The following NELL2 variants were observed in gnomAD, a reference collection of about 807,000 sequenced individuals.
NELL2 encodes neural EGFL like 2, also known as protein kinase C-binding protein NELL2.
NELL2 carries 41 observed loss-of-function variants against 109.6 expected under a neutral mutation model. The ratio of observed to expected loss-of-function variants is 0.37; its 90% CI spans 0.29 to 0.49. The LOEUF is 0.49. Ranked by LOEUF, NELL2 falls within the 20% of genes least tolerant of loss-of-function variation. The pLI is 0.98. For missense variants in NELL2, 900 were observed against 1,008.3 expected, an observed-to-expected ratio of 0.89 and a Z score of 1.45; for synonymous variants, 355 against 344.7, an observed-to-expected ratio of 1.03 and a Z score of -0.33.
intron 13 of NELL2, among the ~76,000 whole-genome samples, chr12:44,646,077 T>A (rs1947086323): frequency 1.3e-5 from 2 of 152,106 alleles, no homozygotes; most frequent in South Asian, 2.1e-4. Context: ...CTTTTTTTTT[T>A]ATCCTCCATA....
intron 2 of NELL2, among the ~76,000 whole-genome samples, chr12:44,836,798 G>A (rs1391708463): frequency 1.3e-5 from 2 of 152,162 alleles, no homozygotes; most frequent in South Asian, 2.1e-4. Context: ...TGGGAAATAT[G>A]GGATTAATTA....
At chr12:44,851,610 T>C (rs558571392) in intron 2 of NELL2, 1 of 152,316 alleles carries the variant, frequency 6.6e-6, no homozygotes, top group South Asian at 2.1e-4. Flanking sequence ...AAAGATAGAA[T>C]TAAACTACAG....
At chr12:44,817,049 G>C (rs1277789059) in intron 2 of NELL2, among the ~76,000 whole-genome samples, 1 of 152,226 alleles carries the variant, frequency 6.6e-6, no homozygotes, top group Non-Finnish European at 1.5e-5. Flanking sequence ...TGCTTGTCTA[G>C]ATAAGTAGTT....
intron 15 of NELL2, among the ~76,000 whole-genome samples, chr12:44,590,007 C>A (rs1194619017): frequency 6.6e-6 from 1 of 152,144 alleles, no homozygotes; most frequent in African/African-American, 2.4e-5. Flanking sequence ...CTGATACCTA[C>A]CCAACTCCTA....
intron 15 of NELL2, among the ~76,000 whole-genome samples, chr12:44,577,076 G>T (rs1289901510): frequency 1.5e-5 from 2 of 135,108 alleles, no homozygotes; most frequent in Non-Finnish European, 3.1e-5. Context: ...TGGGATGGCT[G>T]GGTCAAATGC....
intron 15 of NELL2, among the ~76,000 whole-genome samples, chr12:44,572,692 C>T (rs1174099641): frequency 3.9e-5 from 6 of 152,090 alleles, no homozygotes; most frequent in Non-Finnish European, 7.4e-5. Flanking sequence ...TTAGTTTAGA[C>T]GGTAGAATGA....
At position 44,849,560 on chromosome 12, in the gene NELL2, A is replaced by T. The variant is rs564935829; in HGVS notation, c.184+25665T>A. Among the ~76,000 whole-genome samples the T allele has an allele frequency of 4.1e-4, 62 of 152,338 alleles. 1 individual carries two copies. The South Asian group carries it at 0.013, about 31-fold the overall frequency. On this transcript the variant is annotated intron_variant, in intron 2 of 19. Coordinates refer to ENST00000429094, the MANE Select transcript of NELL2 (RefSeq NM_001145108.2). ...TCTATATGAGTATTGAACAGTACAA[A>T]ATGGTACAATCACTTAGGTGAACTG...
intron 13 of NELL2, among the ~76,000 whole-genome samples, chr12:44,611,473 C>T (rs1018052598): frequency 9.2e-5 from 14 of 152,098 alleles, no homozygotes; most frequent in Non-Finnish European, 2.1e-4. Context: ...CTTATGCTAA[C>T]TGTCTGGGGA....
At chr12:44,608,234 C>T (rs1371011965) in intron 14 of NELL2, among the ~76,000 whole-genome samples, 3 of 152,010 alleles carry the variant, frequency 2.0e-5, no homozygotes, top group African/African-American at 7.2e-5. Flanking sequence ...AGTTTTCTGG[C>T]ATGTGCTTCC....
At chr12:44,564,417 C>T (rs1023218885) in intron 15 of NELL2, among the ~76,000 whole-genome samples, 4 of 152,122 alleles carry the variant, frequency 2.6e-5, no homozygotes, top group African/African-American at 4.8e-5. Context: ...GTCTTCAGGG[C>T]TGACTATTTC....
intron 2 of NELL2, among the ~76,000 whole-genome samples, chr12:44,836,464 G>C (rs1235521198): frequency 1.3e-5 from 2 of 152,104 alleles, no homozygotes; most frequent in Non-Finnish European, 2.9e-5. Context: ...TCAGTAAAAA[G>C]CACCTGCAAA....
intron 2 of NELL2, among the ~76,000 whole-genome samples, chr12:44,836,413 C>T (rs572737814): frequency 6.6e-6 from 1 of 152,314 alleles, no homozygotes; most frequent in East Asian, 1.9e-4. Context: ...CCAGGTGAAA[C>T]CACACTCAAA....
At chr12:44,805,748 A>T (rs1942978409) in intron 3 of NELL2, among the ~76,000 whole-genome samples, 1 of 151,890 alleles carries the variant, frequency 6.6e-6, no homozygotes, top group Non-Finnish European at 1.5e-5. Flanking sequence ...AATCAACAGT[A>T]TTTGCATTTA....
chr12:44,544,748 GA>G (rs1942724391), intron 15 of NELL2, among the ~76,000 whole-genome samples: 1 of 152,058 alleles, frequency 6.6e-6, no homozygotes, highest in African/African-American at 2.4e-5. Flanking sequence ...GTAATGATAT[GA>G]AGTATGATAT....
rs73279151 is a variant in NELL2, at chr12:44,843,679, A to G, written c.185-27543T>C. On this transcript the variant is annotated intron_variant, in intron 2 of 19. Transcript: ENST00000429094. Reference sequence around the variant, plus strand: ...TCTGGAGTCTGGGAAGTTCAAGATTAAGGTACCAGCAGGTTTGGCTGTCTG... The same window carrying G: ...TCTGGAGTCTGGGAAGTTCAAGATTGAGGTACCAGCAGGTTTGGCTGTCTG... 6.0e-3 allele frequency among the ~76,000 whole-genome samples: 918 copies of G among 152,302 alleles called. 6 individuals are homozygous for G. Among genetic ancestry groups the G allele is most frequent in the African/African-American group, 0.021 (874 of 41,578 alleles).
intron 13 of NELL2, among the ~76,000 whole-genome samples, chr12:44,657,093 C>T (rs33995718): frequency 0.16 from 24,742 of 152,030 alleles, 2,064 homozygotes; most frequent in East Asian, 0.23. Context: ...TGCTCAGCAG[C>T]AAATTCTTTT....
intron 19 of NELL2, among the ~76,000 whole-genome samples, chr12:44,513,869 T>C (rs1042574174): frequency 6.6e-6 from 1 of 151,382 alleles, no homozygotes; most frequent in Non-Finnish European, 1.5e-5. Flanking sequence ...GAAAAAACGA[T>C]GGCTCAACTT....
At chr12:44,517,184 T>C (rs1941307379) in intron 19 of NELL2, among the ~76,000 whole-genome samples, 1 of 152,170 alleles carries the variant, frequency 6.6e-6, no homozygotes, top group Non-Finnish European at 1.5e-5. Context: ...CCTCCATTGA[T>C]CTGCAAAGTC....
At chr12:44,554,583 C>T (rs566378927) in intron 15 of NELL2, among the ~76,000 whole-genome samples, 10 of 152,244 alleles carry the variant, frequency 6.6e-5, no homozygotes, top group Admixed American at 5.2e-4. Context: ...TCAAACTTTA[C>T]ACTTTAAATA....
Sources: gnomAD v4.1 joint callset for allele counts (sites outside exome capture counted in the v4.1 genomes callset) on GRCh38, gnomAD v4.1.1 for gene constraint, MANE v1.5 for transcripts, NCBI Gene and HGNC (gene_info 2026-07-23, HGNC 2026-07-21) for gene names.